Variants in CRTC1 observed in about 807,000 individuals in gnomAD.
CRTC1 encodes CREB regulated transcription coactivator 1.
Under a neutral mutation model 66.1 loss-of-function variants are expected in CRTC1, and 18 were observed. That is an observed-to-expected ratio of 0.27 (90% CI 0.19 to 0.40). The LOEUF is 0.40. Ranked by LOEUF, CRTC1 falls within the 10% of genes least tolerant of loss-of-function variation. The pLI is 1.00. For missense variants in CRTC1, 669 were observed against 887.9 expected (o/e 0.75, Z 3.13); for synonymous variants, 416 against 398.8 (o/e 1.04, Z -0.51).
intron 1 of CRTC1, among the ~76,000 whole-genome samples, chr19:18,714,592 C>T: frequency 6.6e-6 from 1 of 152,224 alleles, no homozygotes; most frequent in East Asian, 1.9e-4. Flanking sequence ...AGGTGTGAGC[C>T]ACCACACTCG....
intron 11 of CRTC1, among the ~76,000 whole-genome samples, chr19:18,773,758 G>A (rs1222186722): frequency 1.3e-5 from 2 of 152,144 alleles, no homozygotes; most frequent in African/African-American, 4.8e-5. Context: ...TGGCGTTTGA[G>A]TGGGACGTCC....
rs1222302857 is a variant in CRTC1 at position 18,729,425 on chromosome 19, C to CA, written c.127-13472dup. ...TGGGCAACAGAGCGAGACTCCGTCT[C>CA]AAAAAAAAAAAAAGAAAAAAAAAAA... On this transcript the variant is annotated intron_variant, in intron 1 of 13. Coordinates refer to ENST00000321949, the MANE Select transcript of CRTC1 (RefSeq NM_015321.3). Among the ~76,000 whole-genome samples the CA allele has an allele frequency of 9.5e-3, 864 of 91,246 alleles. 3 individuals carry two copies. Among genetic ancestry groups the CA allele is most frequent in the Non-Finnish European group, 0.013 (562 of 44,886 alleles). The allele number at this position is 91,246 out of a possible 152,430, so 59.9% of individuals were successfully genotyped here.
In CRTC1 at chr19:18,746,901, G is replaced by A. The variant is rs117529411; in HGVS notation, c.382-152G>A. The A allele has an allele frequency of 1.6e-3, 1,081 of 664,292 alleles. 13 individuals carry two copies. In the East Asian group the frequency reaches 0.026, roughly 16 times the overall value. 41.1% of individuals were successfully genotyped at this position (664,292 alleles called of 1,614,324 possible). On this transcript the variant is annotated intron_variant, in intron 3 of 13. Coordinates refer to ENST00000321949, the MANE Select transcript of CRTC1 (RefSeq NM_015321.3). ...TGCTTGTAGCCAGGCAGGAAAGGCC[G>A]GCAGGAAACGCCCCCCGCCCTACTG...
At chr19:18,730,626 C>T (rs1267232093) in intron 1 of CRTC1, among the ~76,000 whole-genome samples, 1 of 152,118 alleles carries the variant, frequency 6.6e-6, no homozygotes, top group African/African-American at 2.4e-5. Flanking sequence ...GTCCAGCCTC[C>T]ACTCCCACCC....
At chr19:18,713,628 G>T (rs1195675738) in intron 1 of CRTC1, among the ~76,000 whole-genome samples, 1 of 152,236 alleles carries the variant, frequency 6.6e-6, no homozygotes, top group Non-Finnish European at 1.5e-5. Flanking sequence ...GTTTCTGTAT[G>T]GCTCTGCAGA....
intron 11 of CRTC1, 76 bp from the exon 12 acceptor site, chr19:18,774,824 C>T (rs1308352896): frequency 1.4e-6 from 2 of 1,428,678 alleles, no homozygotes; most frequent in Non-Finnish European, 2.0e-6. Context: ...TCTTGTCTTC[C>T]AGCCGGGCTT....
At chr19:18,705,000 G>A (rs1219751691) in intron 1 of CRTC1, among the ~76,000 whole-genome samples, 1 of 149,068 alleles carries the variant, frequency 6.7e-6, no homozygotes. Flanking sequence ...TGAGTTTGAC[G>A]ACTCCAGGGA....
At chr19:18,695,431 G>T (rs191212183) in intron 1 of CRTC1, among the ~76,000 whole-genome samples, 1 of 152,162 alleles carries the variant, frequency 6.6e-6, no homozygotes, top group African/African-American at 2.4e-5. Context: ...AGGTTATTCC[G>T]TGCAGAGTAG....
At chr19:18,756,834 T>G (rs1600959543) in intron 6 of CRTC1, among the ~76,000 whole-genome samples, 1 of 152,268 alleles carries the variant, frequency 6.6e-6, no homozygotes, top group East Asian at 1.9e-4. Context: ...CATTAATGTC[T>G]CCATAATGTT....
chr19:18,747,174 A>G (rs892924385), intron 4 of CRTC1, 60 bp downstream of exon 4: 10 of 1,113,772 alleles, frequency 9.0e-6, no homozygotes, highest in Non-Finnish European at 1.3e-5. Flanking sequence ...CCAAACTCTC[A>G]TCATGGTTAC....
In CRTC1 at chr19:18,722,533, C is replaced by T. The variant is rs572213528; in HGVS notation, c.127-20377C>T. 1.1e-4 allele frequency among the ~76,000 whole-genome samples: 17 copies of T among 152,308 alleles called. 1 individual carries two copies. The highest frequency in any genetic ancestry group is 4.1e-4 in the African/African-American group (17 of 41,552). On this transcript the variant is annotated intron_variant, in intron 1 of 13. Transcript: ENST00000321949. Reference sequence around the variant, plus strand: ...AGACACAGGCACACAGCGAGAAGGCCACGTGATGAAGGAGGCAGAGACCAG... The same window carrying T: ...AGACACAGGCACACAGCGAGAAGGCTACGTGATGAAGGAGGCAGAGACCAG...
intron 1 of CRTC1, among the ~76,000 whole-genome samples, chr19:18,726,417 G>C (rs1424327622): frequency 3.3e-5 from 5 of 152,238 alleles, no homozygotes; most frequent in Admixed American, 3.3e-4. Context: ...GAGAGCCATG[G>C]GCATCTGCTT....
At chr19:18,711,321 C>A (rs10401407) in intron 1 of CRTC1, among the ~76,000 whole-genome samples, 1 of 151,866 alleles carries the variant, frequency 6.6e-6, no homozygotes, top group Non-Finnish European at 1.5e-5. Context: ...TTGGCCTTGG[C>A]GGCCCCGGGG....
chr19:18,776,351 A>G (rs1453569165), intron 13 of CRTC1, among the ~76,000 whole-genome samples: 1 of 152,172 alleles, frequency 6.6e-6, no homozygotes, highest in African/African-American at 2.4e-5. Context: ...TATCAGGAAG[A>G]CCCGGCTCCA....
chr19:18,686,903 G>A (rs1445651020), intron 1 of CRTC1, among the ~76,000 whole-genome samples: 2 of 152,218 alleles, frequency 1.3e-5, no homozygotes, highest in South Asian at 4.1e-4. Context: ...CTAGCATCTG[G>A]TGGGTGGAGG....
chr19:18,698,082 C>T (rs753824708), intron 1 of CRTC1, among the ~76,000 whole-genome samples: 117 of 151,674 alleles, frequency 7.7e-4, no homozygotes, highest in Non-Finnish European at 1.2e-3. Context: ...AGCAGGTGCT[C>T]GGCAGGCACA....
intron 1 of CRTC1, among the ~76,000 whole-genome samples, chr19:18,728,417 C>T (rs1402311504): frequency 1.3e-5 from 2 of 152,164 alleles, no homozygotes; most frequent in Non-Finnish European, 2.9e-5. Flanking sequence ...TCAGAGATCC[C>T]GATTTCATTC....
intron 1 of CRTC1, among the ~76,000 whole-genome samples, chr19:18,690,713 G>T (rs541916786): frequency 5.9e-5 from 9 of 152,180 alleles, no homozygotes; most frequent in African/African-American, 2.2e-4. Flanking sequence ...CCTAAATCCG[G>T]TGACTGGTAT....
intron 1 of CRTC1, among the ~76,000 whole-genome samples, chr19:18,731,368 G>A (rs376386869): frequency 4.6e-5 from 7 of 152,084 alleles, no homozygotes; most frequent in South Asian, 2.1e-4. Flanking sequence ...GCGGCACCCC[G>A]ATCTCTGCCT....
Sources: allele counts gnomAD v4.1 joint callset (sites outside exome capture counted in the v4.1 genomes callset), GRCh38; gene constraint gnomAD v4.1.1; transcripts MANE v1.5; gene names NCBI Gene and HGNC (gene_info 2026-07-23, HGNC 2026-07-21).